The following NAV3 variants were observed in gnomAD, a reference collection of about 807,000 sequenced individuals.
The protein encoded by NAV3 is neuron navigator 3.
NAV3 carries 87 observed loss-of-function variants against 244.7 expected under a neutral mutation model. That is an observed-to-expected ratio of 0.36 (90% CI 0.30 to 0.42). The LOEUF is 0.42. Ranked by LOEUF, NAV3 falls within the 20% of genes least tolerant of loss-of-function variation. The pLI, the probability that NAV3 is intolerant of heterozygous loss-of-function variation, is 1.00. For missense variants in NAV3, 2,663 were observed against 2,893.3 expected, an observed-to-expected ratio of 0.92 and a Z score of 1.83; for synonymous variants, 1,126 against 1,042.2, an observed-to-expected ratio of 1.08 and a Z score of -1.55.
intron 5 of NAV3, among the ~76,000 whole-genome samples, chr12:77,979,400 T>C (rs1456131370): frequency 6.6e-6 from 1 of 151,254 alleles, no homozygotes. Context: ...AATATATATA[T>C]AGAAAAAAAT....
At chr12:78,010,588 A>G (rs1875096351) in intron 8 of NAV3, among the ~76,000 whole-genome samples, 1 of 152,126 alleles carries the variant, frequency 6.6e-6, no homozygotes. Flanking sequence ...TGCTTTGCTT[A>G]TCAGTTCTAT....
chr12:77,668,782 C>T (rs1232979639), intron 2 of NAV3, among the ~76,000 whole-genome samples: 1 of 152,166 alleles, frequency 6.6e-6, no homozygotes, highest in East Asian at 1.9e-4. Flanking sequence ...ATGTCCAGTA[C>T]AAGAAGCTCA....
intron 9 of NAV3, among the ~76,000 whole-genome samples, chr12:78,043,870 T>G (rs1439984057): frequency 6.6e-6 from 1 of 152,114 alleles, no homozygotes; most frequent in Non-Finnish European, 1.5e-5. Flanking sequence ...TTGTCTCCCA[T>G]TCTGTAGGTT....
At chr12:77,786,139 C>T (rs913324863) in intron 2 of NAV3, among the ~76,000 whole-genome samples, 8 of 152,124 alleles carry the variant, frequency 5.3e-5, no homozygotes, top group African/African-American at 1.9e-4. Flanking sequence ...AAAAAAATCC[C>T]TATTTAAGTC....
At chr12:77,799,643 CCTTTTATTTTTTAAATTCAAATTGGAAA>C (rs1871599445) in intron 2 of NAV3, among the ~76,000 whole-genome samples, 1 of 152,006 alleles carries the variant, frequency 6.6e-6, no homozygotes, top group Non-Finnish European at 1.5e-5. Context: ...CTGCCATAGC[CCTTTTATTTTTTAAATTCAAATTGGAAA>C]ATGAAATACC....
chr12:77,797,184 C>T (rs1004040256), intron 2 of NAV3, among the ~76,000 whole-genome samples: 2 of 152,084 alleles, frequency 1.3e-5, no homozygotes, highest in South Asian at 4.1e-4. Flanking sequence ...TCATTTGCTC[C>T]TCACAAAATT....
rs568937397 is a variant in NAV3, at chr12:78,038,848, T to A, written c.2024-11145T>A. On this transcript the variant is annotated intron_variant, in intron 9 of 39. Coordinates refer to ENST00000397909, the MANE Select transcript of NAV3 (RefSeq NM_001024383.2). ...TATCTCTTAAGTATTTACAAAGATA[T>A]GAACAGAGTGCAGTCCCCTGACAGC... is the stretch of plus-strand genomic sequence containing the variant. 8.5e-5 allele frequency among the ~76,000 whole-genome samples: 13 copies of A among 152,290 alleles called. No individual in the cohort carries two copies. The South Asian group carries it at 2.7e-3, about 32-fold the overall frequency.
chr12:77,939,898 G>C (rs957029850), intron 1 of NAV3, among the ~76,000 whole-genome samples: 1 of 152,164 alleles, frequency 6.6e-6, no homozygotes. Context: ...AAATTCAATA[G>C]TGTTCTCAGA....
intron 2 of NAV3, among the ~76,000 whole-genome samples, chr12:77,670,637 A>T (rs775581004): frequency 6.6e-6 from 1 of 152,148 alleles, no homozygotes; most frequent in Admixed American, 6.6e-5. Context: ...TTTAACATAC[A>T]TAAGTCAATA....
At chr12:77,774,368 C>A (rs1445713481) in intron 2 of NAV3, among the ~76,000 whole-genome samples, 3 of 151,976 alleles carry the variant, frequency 2.0e-5, no homozygotes, top group Admixed American at 1.3e-4. Flanking sequence ...CATATCCCTG[C>A]CTACTTTTCT....
At chr12:77,913,752 A>G (rs1430150304) in intron 1 of NAV3, among the ~76,000 whole-genome samples, 1 of 152,090 alleles carries the variant, frequency 6.6e-6, no homozygotes, top group Admixed American at 6.6e-5. Context: ...CTTAAGCTCT[A>G]TCTTCACAAT....
At chr12:78,129,492 TG>T (rs1303545194) in intron 18 of NAV3, among the ~76,000 whole-genome samples, 1 of 152,186 alleles carries the variant, frequency 6.6e-6, no homozygotes, top group East Asian at 1.9e-4. Context: ...ACTTAGTCAT[TG>T]GGTTACTTTG....
intron 2 of NAV3, among the ~76,000 whole-genome samples, chr12:77,699,675 T>C (rs1875473182): frequency 6.6e-6 from 1 of 152,058 alleles, no homozygotes; most frequent in Admixed American, 6.6e-5. Context: ...ATGTGGCTTC[T>C]ATATGTGACC....
intron 2 of NAV3, among the ~76,000 whole-genome samples, chr12:77,707,765 G>C (rs1875896912): frequency 6.6e-6 from 1 of 152,192 alleles, no homozygotes; most frequent in African/African-American, 2.4e-5. Context: ...TAACTGGTGT[G>C]AGATGGTATC....
At chr12:78,029,759 G>A (rs1878667458) in intron 9 of NAV3, among the ~76,000 whole-genome samples, 1 of 152,182 alleles carries the variant, frequency 6.6e-6, no homozygotes, top group East Asian at 1.9e-4. Context: ...CTACTGTGCT[G>A]CTTAGTGACC....
At position 77,687,769 on chromosome 12, in the gene NAV3, G is replaced by A. The variant is rs554676272; in HGVS notation, c.72+115503G>A. On this transcript the variant is annotated intron_variant, in intron 2 of 8. Transcript: ENST00000550042. ...CTCTCTCTACCAAAGAAATGGCAAT[G>A]CCTCTCTTGAATATAAGCCATTTGA... 2.5e-4 allele frequency among the ~76,000 whole-genome samples: 38 copies of A among 152,182 alleles called. No homozygotes were observed. In the South Asian group the frequency reaches 5.4e-3, roughly 22 times the overall value.
intron 2 of NAV3, among the ~76,000 whole-genome samples, chr12:77,657,512 G>A (rs951670257): frequency 6.3e-4 from 96 of 152,204 alleles, no homozygotes; most frequent in African/African-American, 2.2e-3. Context: ...ATTCACAGCC[G>A]AATTCTACCA....
chr12:77,802,799 A>G (rs1871779501), intron 2 of NAV3, among the ~76,000 whole-genome samples: 2 of 152,102 alleles, frequency 1.3e-5, no homozygotes, highest in South Asian at 4.1e-4. Context: ...AGTAGCTGGA[A>G]CTACAGGTGC....
At chr12:77,797,916 C>T (rs1871507937) in intron 2 of NAV3, among the ~76,000 whole-genome samples, 1 of 151,330 alleles carries the variant, frequency 6.6e-6, no homozygotes, top group South Asian at 2.1e-4. Context: ...TGCCTGTAAT[C>T]CCAGTACTTT....
Sources: gnomAD v4.1 joint callset for allele counts (sites outside exome capture counted in the v4.1 genomes callset) on GRCh38, gnomAD v4.1.1 for gene constraint, MANE v1.5 for transcripts, NCBI Gene and HGNC (gene_info 2026-07-23, HGNC 2026-07-21) for gene names.